Variants in GLS observed in about 807,000 individuals in gnomAD.
GLS encodes glutaminase kidney isoform, mitochondrial.
Under a neutral mutation model 86.7 loss-of-function variants are expected in GLS, and 36 were observed. That is an observed-to-expected ratio of 0.42 (90% CI 0.32 to 0.55). The LOEUF (loss-of-function observed/expected upper bound fraction) is 0.55. GLS is among the 20% of genes least tolerant of loss of function. The pLI, the probability that GLS is intolerant of heterozygous loss-of-function variation, is 0.17. For missense variants in GLS, 528 were observed against 833.4 expected, an observed-to-expected ratio of 0.63 and a Z score of 4.51; for synonymous variants, 317 against 305.9, an observed-to-expected ratio of 1.04 and a Z score of -0.38.
chr2:190,957,240 G>A (rs1032008144), intron 17 of GLS, among the ~76,000 whole-genome samples: 2 of 152,108 alleles, frequency 1.3e-5, no homozygotes, highest in Admixed American at 1.3e-4. Context: ...ACAGGCGTGT[G>A]CCCACCACAG....
chr2:190,941,967 T>G (rs1242057089), intron 14 of GLS, among the ~76,000 whole-genome samples: 1 of 151,820 alleles, frequency 6.6e-6, no homozygotes. Context: ...CTGCTGTAGG[T>G]TGTCCTCAGG....
rs1690723873 is a variant in GLS at position 190,951,666 on chromosome 2, T to TTAAA, written c.1651-1899_1651-1898insTAAA. On this transcript the variant is annotated intron_variant, in intron 14 of 17. Coordinates refer to ENST00000320717, the MANE Select transcript of GLS (RefSeq NM_014905.5). This position sits in a 1 kb window ranked among gnomAD's most constrained non-coding sequence, Gnocchi z 4.2. ...GTCTGTTTTTAGGGGTCTCCACTGGTATTAAAGGCCTGAAGAAAGTATGGC... is the reference window on the plus strand; with the variant it reads ...GTCTGTTTTTAGGGGTCTCCACTGGTTAAAATTAAAGGCCTGAAGAAAGTATGGC... Among the ~76,000 whole-genome samples, 1 of 152,048 alleles carries TTAAA rather than the reference T, an allele frequency of 6.6e-6. No individual in the cohort carries two copies. The highest frequency in any genetic ancestry group is 6.6e-5 in the Admixed American group (1 of 15,254).
At chr2:190,883,948 TTAGAC>T (rs1688291915) in intron 1 of GLS, among the ~76,000 whole-genome samples, 2 of 152,252 alleles carry the variant, frequency 1.3e-5, no homozygotes, top group African/African-American at 4.8e-5. Flanking sequence ...TAATGTCACT[TTAGAC>T]TATGCTGTTT....
Position 190,965,354 on chromosome 2 carries a change from T to C in GLS, c.*2368T>C, listed in dbSNP as rs1000137833. The C allele has an allele frequency of 6.6e-6, 1 of 152,638 alleles. No homozygotes were observed. Among genetic ancestry groups the C allele is most frequent in the Non-Finnish European group, 1.5e-5 (1 of 68,048 alleles). 9.5% of individuals were successfully genotyped at this position (152,638 alleles called of 1,614,324 possible). On this transcript the variant is annotated 3_prime_UTR_variant, in exon 18 of 18. Transcript: ENST00000320717. This position sits in a 1 kb window ranked among gnomAD's most constrained non-coding sequence, Gnocchi z 5.0. ...ATGCTGTTGTCTGTCTGGCAGGGACTGAATGACCTGATGTCAGATTTAGAT... is the reference window on the plus strand; with the variant it reads ...ATGCTGTTGTCTGTCTGGCAGGGACCGAATGACCTGATGTCAGATTTAGAT...
chr2:190,886,579 G>C (rs1289479901), intron 1 of GLS, among the ~76,000 whole-genome samples: 1 of 152,180 alleles, frequency 6.6e-6, no homozygotes, highest in Non-Finnish European at 1.5e-5. Context: ...AAAGAAATTT[G>C]CTGAAGATAT....
chr2:190,931,688 A>T (rs1376965747), intron 14 of GLS, 51 bp downstream of exon 14: 1 of 831,728 alleles, frequency 1.2e-6, no homozygotes, highest in South Asian at 1.6e-5. Flanking sequence ...AAGAAGAGAA[A>T]AAGTGAGATT....
At position 190,949,994 on chromosome 2, in the gene GLS, A is replaced by AAT. The variant is rs750647689; in HGVS notation, c.1651-3556_1651-3555dup. Among the ~76,000 whole-genome samples, 2,344 of 148,124 alleles carry AAT rather than the reference A, an allele frequency of 0.016. 23 individuals carry two copies. The highest frequency in any genetic ancestry group is 0.032 in the African/African-American group (1,302 of 40,606). The stretch of plus-strand genomic sequence containing the variant: ...TTAAAAAGGATATAGTTAACAATAC[A>AAT]ATATATATATATATATGAAGGGGAA... On this transcript the variant is annotated intron_variant, in intron 14 of 17. Coordinates refer to ENST00000320717, the MANE Select transcript of GLS (RefSeq NM_014905.5). This position sits in a 1 kb window ranked among gnomAD's most constrained non-coding sequence, Gnocchi z 4.0.
chr2:190,944,081 G>C (rs888258345), intron 14 of GLS, among the ~76,000 whole-genome samples: 2 of 152,068 alleles, frequency 1.3e-5, no homozygotes, highest in Non-Finnish European at 2.9e-5. Context: ...AAACCGTGTT[G>C]TTTCACAGCA....
rs1208166906 is a variant in GLS, at chr2:190,943,758, C to T, written c.1651-9807C>T. Among the ~76,000 whole-genome samples, 1 of 152,162 alleles carries T rather than the reference C, an allele frequency of 6.6e-6. No individual in the cohort carries two copies. The highest frequency in any genetic ancestry group is 1.5e-5 in the Non-Finnish European group (1 of 68,014). ...AAAGTTACAGCATTAGAGAAACATA[C>T]TGTTATTACACCTCTTCTGTGAGTA... is the stretch of plus-strand genomic sequence containing the variant. On this transcript the variant is annotated intron_variant, in intron 14 of 17. Coordinates refer to ENST00000320717, the MANE Select transcript of GLS (RefSeq NM_014905.5). This position sits in a 1 kb window ranked among gnomAD's most constrained non-coding sequence, Gnocchi z 4.5.
chr2:190,946,236 A>G (rs535620713), intron 14 of GLS, among the ~76,000 whole-genome samples: 1 of 152,344 alleles, frequency 6.6e-6, no homozygotes, highest in East Asian at 1.9e-4. Context: ...ATTTTTCTTT[A>G]GCCACAGTAT....
At chr2:190,893,008 T>A (rs1688615030) in intron 1 of GLS, among the ~76,000 whole-genome samples, 1 of 152,206 alleles carries the variant, frequency 6.6e-6, no homozygotes, top group Admixed American at 6.5e-5. Context: ...CATTTACTTG[T>A]GTGATAAATA....
At chr2:190,898,436 A>G (rs1350801712) in intron 3 of GLS, among the ~76,000 whole-genome samples, 2 of 152,190 alleles carry the variant, frequency 1.3e-5, no homozygotes, top group Admixed American at 6.5e-5. Flanking sequence ...TGGTATCTAT[A>G]TTAAAATAAC....
At chr2:190,906,857 G>A (rs1401607284) in intron 6 of GLS, among the ~76,000 whole-genome samples, 1 of 151,420 alleles carries the variant, frequency 6.6e-6, no homozygotes, top group Non-Finnish European at 1.5e-5. Context: ...ATATATTACT[G>A]TTACACCAGC....
At position 190,956,255 on chromosome 2, in the gene GLS, G is replaced by A. The variant is rs878940869; in HGVS notation, c.1853+1437G>A. On this transcript the variant is annotated intron_variant, in intron 17 of 17. Coordinates refer to ENST00000320717, the MANE Select transcript of GLS (RefSeq NM_014905.5). This position sits in a 1 kb window ranked among gnomAD's most constrained non-coding sequence, Gnocchi z 4.2. Reference sequence around the variant, plus strand: ...TCTTCTAGGGTTTTTATGGTTTTAGGTCTTATGTTTAAGTCTTTAATCCAT... The same window carrying A: ...TCTTCTAGGGTTTTTATGGTTTTAGATCTTATGTTTAAGTCTTTAATCCAT... 6.6e-6 allele frequency among the ~76,000 whole-genome samples: 1 copy of A among 152,098 alleles called. No homozygotes were observed. The highest frequency in any genetic ancestry group is 2.4e-5 in the African/African-American group (1 of 41,380).
intron 1 of GLS, among the ~76,000 whole-genome samples, chr2:190,886,808 C>T (rs1013120604): frequency 3.3e-5 from 5 of 150,888 alleles, no homozygotes; most frequent in African/African-American, 1.2e-4. Flanking sequence ...CCCAGCTACT[C>T]GGGAGGCTGA....
chr2:190,892,841 T>TA (rs1324747627), intron 1 of GLS, among the ~76,000 whole-genome samples: 3 of 152,204 alleles, frequency 2.0e-5, no homozygotes, highest in African/African-American at 7.2e-5. Flanking sequence ...CCCCTATAGA[T>TA]AAAAATTAAT....
At position 190,953,512 on chromosome 2, in the gene GLS, G is replaced by A. The variant is rs905125471; in HGVS notation, c.1651-53G>A. 1.7e-5 allele frequency: 19 copies of A among 1,147,642 alleles called. No homozygotes were observed. Among genetic ancestry groups the A allele is most frequent in the South Asian group, 4.9e-5 (4 of 81,534 alleles). 71.1% of individuals were successfully genotyped at this position (1,147,642 alleles called of 1,614,324 possible). On this transcript the variant is annotated intron_variant, in intron 14 of 17. Transcript: ENST00000320717. This position sits in a 1 kb window ranked among gnomAD's most constrained non-coding sequence, Gnocchi z 4.0. ...AATCACTTGCCAGTGACAGGTGGAC[G>A]TTGTATGTGTTTTCTCTCTCCTAAG...
chr2:190,956,706 T>C lies in GLS; in HGVS notation c.1853+1888T>C, dbSNP rs553571823. Among the ~76,000 whole-genome samples, 2 of 152,368 alleles carry C rather than the reference T, an allele frequency of 1.3e-5. No homozygotes were observed. The highest frequency in any genetic ancestry group is 4.1e-4 in the South Asian group (2 of 4,832). Reference sequence around the variant, plus strand: ...AATTACTTTGGGTTGTATGGCCATTTTCATGATATTGATTCTTTCTAGCCA... The same window carrying C: ...AATTACTTTGGGTTGTATGGCCATTCTCATGATATTGATTCTTTCTAGCCA... On this transcript the variant is annotated intron_variant, in intron 17 of 17. Transcript: ENST00000320717. The surrounding 1 kb of genome is among the most constrained non-coding windows in gnomAD (Gnocchi z 4.2).
intron 1 of GLS, among the ~76,000 whole-genome samples, chr2:190,883,995 C>A (rs773563861): frequency 6.6e-6 from 1 of 152,138 alleles, no homozygotes; most frequent in Non-Finnish European, 1.5e-5. Flanking sequence ...GTTTAGGATA[C>A]GAACGTCTTA....
Sources: gnomAD v4.1 joint callset for allele counts (sites outside exome capture counted in the v4.1 genomes callset) on GRCh38, gnomAD v4.1.1 for gene constraint, Gnocchi (gnomAD v3.1) non-coding constraint, MANE v1.5 for transcripts, NCBI Gene and HGNC (gene_info 2026-07-23, HGNC 2026-07-21) for gene names.